Variants in ITPR1 observed in about 807,000 individuals in gnomAD.
ITPR1 encodes the protein inositol 1,4,5-trisphosphate-gated calcium channel ITPR1.
In ITPR1, 96 loss-of-function variants were observed where a neutral mutation model predicts 318.4. The observed-to-expected ratio is 0.30, with a 90% CI of 0.26 to 0.36. The LOEUF is 0.36. ITPR1 is among the 10% of genes least tolerant of loss of function. The pLI, the probability that ITPR1 is intolerant of heterozygous loss-of-function variation, is 1.00. For missense variants in ITPR1, 2,440 were observed against 3,460.2 expected (o/e 0.71, Z 7.40); for synonymous variants, 1,312 against 1,289.9 (o/e 1.02, Z -0.37).
At chr3:4,800,692 C>T (rs2048171137) in intron 54 of ITPR1, 92 bp downstream of exon 54, 1 of 1,313,484 alleles carries the variant, frequency 7.6e-7, no homozygotes, top group South Asian at 1.3e-5. Flanking sequence ...CCTGTGCTTT[C>T]AGTCCAGAAA....
rs2050103758 is a variant in ITPR1 at position 4,826,740 on chromosome 3, AGGCACTTGGCGTTT to A, written c.8028+8501_8028+8514del. Among the ~76,000 whole-genome samples, 1 of 152,116 alleles carries A rather than the reference AGGCACTTGGCGTTT, an allele frequency of 6.6e-6. No individual in the cohort carries two copies. The highest frequency in any genetic ancestry group is 6.5e-5 in the Admixed American group (1 of 15,284). On this transcript the variant is annotated intron_variant, in intron 60 of 61. Coordinates refer to ENST00000649015, the MANE Select transcript of ITPR1 (RefSeq NM_001378452.1). The surrounding 1 kb of genome is among the most constrained non-coding windows in gnomAD (Gnocchi z 4.2). ...TCACTGGCACTTTCCTTTCATTGTG[AGGCACTTGGCGTTT>A]GGGCCCCGGTTCTGCACTGACCTCC... is the stretch of plus-strand genomic sequence containing the variant.
At chr3:4,644,277 G>A in intron 8 of ITPR1, 43 bp downstream of exon 8, 2 of 1,395,200 alleles carry the variant, frequency 1.4e-6, no homozygotes, top group South Asian at 1.2e-5. Flanking sequence ...TTATCCTGCA[G>A]GAGCGGGTCT....
intron 4 of ITPR1, among the ~76,000 whole-genome samples, chr3:4,623,667 G>C (rs2092720796): frequency 6.6e-6 from 1 of 152,138 alleles, no homozygotes; most frequent in South Asian, 2.1e-4. Context: ...AAATAGCAAA[G>C]GGCAATATGG....
chr3:4,565,787 G>T (rs1421501822), intron 4 of ITPR1, among the ~76,000 whole-genome samples: 1 of 152,228 alleles, frequency 6.6e-6, no homozygotes, highest in East Asian at 1.9e-4. Context: ...TCAACTTCTA[G>T]GGAATTAAAT....
At chr3:4,570,590 T>C (rs2087867446) in intron 4 of ITPR1, among the ~76,000 whole-genome samples, 1 of 152,368 alleles carries the variant, frequency 6.6e-6, no homozygotes, top group Admixed American at 6.5e-5. Flanking sequence ...TGTATTATTT[T>C]GCTTATTTAT....
At position 4,606,827 on chromosome 3, in the gene ITPR1, G is replaced by A. The variant is rs1210462718; in HGVS notation, c.164-20936G>A. ...TTTTTGGCATAATAAATTGGGGTCC[G>A]AGTTTTTATTTTCTTTCACAAGTTT... On this transcript the variant is annotated intron_variant, in intron 4 of 61. Transcript: ENST00000649015. 3.9e-5 allele frequency among the ~76,000 whole-genome samples: 6 copies of A among 152,068 alleles called. No homozygotes were observed. In the South Asian group the frequency reaches 6.2e-4, roughly 16 times the overall value.
intron 61 of ITPR1, among the ~76,000 whole-genome samples, chr3:4,842,652 C>T (rs949839068): frequency 6.6e-6 from 1 of 152,174 alleles, no homozygotes; most frequent in African/African-American, 2.4e-5. Context: ...CCACCATGCC[C>T]AGCCGTTTTG....
intron 36 of ITPR1, among the ~76,000 whole-genome samples, chr3:4,704,602 G>A (rs941413934): frequency 1.1e-4 from 16 of 152,162 alleles, no homozygotes; most frequent in Admixed American, 2.6e-4. Flanking sequence ...CAAAGGAAAC[G>A]TAGGAGGAAG....
intron 44 of ITPR1, among the ~76,000 whole-genome samples, chr3:4,752,919 G>A (rs2044654720): frequency 6.6e-6 from 1 of 152,192 alleles, no homozygotes; most frequent in Admixed American, 6.5e-5. Flanking sequence ...TTACAGTCTT[G>A]TGGGAGACAG....
At chr3:4,679,671 C>T (rs146353825) in intron 24 of ITPR1, among the ~76,000 whole-genome samples, 1 of 152,284 alleles carries the variant, frequency 6.6e-6, no homozygotes, top group Non-Finnish European at 1.5e-5. Context: ...TAGATTTACC[C>T]GGAAATAAAG....
chr3:4,754,258 G>A (rs1210499415), intron 44 of ITPR1, among the ~76,000 whole-genome samples: 3 of 152,074 alleles, frequency 2.0e-5, no homozygotes, highest in Non-Finnish European at 2.9e-5. Flanking sequence ...CGCTCTCCAC[G>A]ATGCAGATTG....
At chr3:4,572,992 C>T (rs1360789869) in intron 4 of ITPR1, among the ~76,000 whole-genome samples, 1 of 152,186 alleles carries the variant, frequency 6.6e-6, no homozygotes, top group Non-Finnish European at 1.5e-5. Flanking sequence ...ATTCATTTAT[C>T]ACGGGGCATC....
chr3:4,599,925 A>T (rs1160062814), intron 4 of ITPR1, among the ~76,000 whole-genome samples: 1 of 152,082 alleles, frequency 6.6e-6, no homozygotes, highest in Non-Finnish European at 1.5e-5. Flanking sequence ...GATAATGAAG[A>T]TCTTAGTCTC....
chr3:4,500,763 G>T (rs1337974747), intron 2 of ITPR1, among the ~76,000 whole-genome samples: 1 of 152,184 alleles, frequency 6.6e-6, no homozygotes, highest in African/African-American at 2.4e-5. Context: ...AGATGAGCAG[G>T]AATGTTACTC....
intron 3 of ITPR1, among the ~76,000 whole-genome samples, chr3:4,519,730 A>G (rs1273658493): frequency 1.3e-5 from 2 of 152,172 alleles, no homozygotes; most frequent in Non-Finnish European, 2.9e-5. Flanking sequence ...GTCTTGTGTC[A>G]TGAAGCTGAA....
chr3:4,829,017 T>G (rs1207866283), intron 60 of ITPR1, among the ~76,000 whole-genome samples: 5 of 152,228 alleles, frequency 3.3e-5, no homozygotes, highest in African/African-American at 1.2e-4. Flanking sequence ...TGGATTGCAG[T>G]GCTGACTCTA....
At chr3:4,820,652 A>C (rs3805021) in intron 60 of ITPR1, among the ~76,000 whole-genome samples, 43,281 of 152,154 alleles carry the variant, frequency 0.28, 6,890 homozygotes, top group Middle Eastern at 0.44. Flanking sequence ...GAAAACCTAA[A>C]AATCTTACAG....
chr3:4,839,479 G>A (rs1260352712), intron 61 of ITPR1, among the ~76,000 whole-genome samples: 4 of 151,970 alleles, frequency 2.6e-5, no homozygotes, highest in Non-Finnish European at 4.4e-5. Flanking sequence ...TCCAGTCAGG[G>A]GTGTGTGTGT....
At chr3:4,703,854 A>G (rs2094704171) in intron 36 of ITPR1, among the ~76,000 whole-genome samples, 1 of 152,138 alleles carries the variant, frequency 6.6e-6, no homozygotes, top group Non-Finnish European at 1.5e-5. Flanking sequence ...TTTCACAGTA[A>G]GAAATTAGGT....
Sources: gnomAD v4.1 joint callset for allele counts (sites outside exome capture counted in the v4.1 genomes callset) on GRCh38, gnomAD v4.1.1 for gene constraint, Gnocchi (gnomAD v3.1) non-coding constraint, MANE v1.5 for transcripts, NCBI Gene and HGNC (gene_info 2026-07-23, HGNC 2026-07-21) for gene names.